Variants in TAFA4 observed in about 807,000 individuals in gnomAD.
TAFA4 encodes the protein TAFA chemokine like family member 4.
Under a neutral mutation model 21.1 loss-of-function variants are expected in TAFA4, and 20 were observed. The ratio of observed to expected loss-of-function variants is 0.95; its 90% confidence interval spans 0.67 to 1.38. TAFA4 has a LOEUF of 1.38. Ranked by LOEUF, TAFA4 falls within the 40% of genes most tolerant of loss-of-function variation. The probability of loss-of-function intolerance (pLI) is 0.00; values close to 1 mark genes in which losing one functional copy is unlikely to be tolerated. For missense variants in TAFA4, 211 were observed against 180.9 expected, an observed-to-expected ratio of 1.17 and a Z score of -0.95; for synonymous variants, 71 against 67.4, an observed-to-expected ratio of 1.05 and a Z score of -0.26.
At position 68,763,869 on chromosome 3, in the gene TAFA4, T is replaced by TACAC. The variant is rs147436920; in HGVS notation, c.131-10855_131-10852dup. Among the ~76,000 whole-genome samples the TACAC allele has an allele frequency of 4.8e-3, 704 of 147,344 alleles. 8 individuals carry two copies. The highest frequency in any genetic ancestry group is 7.2e-3 in the Middle Eastern group (2 of 278). ...TTGGTCTTTAGTATGTATGACAGAC[T>TACAC]ACACACACACACACACACACACACA... On this transcript the variant is annotated intron_variant, in intron 3 of 5. Transcript: ENST00000295569.
intron 3 of TAFA4, among the ~76,000 whole-genome samples, chr3:68,876,015 C>T (rs1186708369): frequency 6.6e-6 from 1 of 151,498 alleles, no homozygotes; most frequent in Non-Finnish European, 1.5e-5. Context: ...TATGACTGAC[C>T]CATGAAAATT....
At chr3:68,837,178 GA>G (rs1468502636) in intron 3 of TAFA4, among the ~76,000 whole-genome samples, 1 of 152,212 alleles carries the variant, frequency 6.6e-6, no homozygotes, top group African/African-American at 2.4e-5. Context: ...ACCCCTTGAA[GA>G]AATAAAATTT....
rs558772421 is a variant in TAFA4 at position 68,932,541 on chromosome 3, G to A, written c.-424C>T. ...CCCCGTCCAGGGCGGCGCGCAGCTA[G>A]CAGTGCGGAGCCGAGCCCAGCTAGC... On this transcript the variant is annotated 5_prime_UTR_variant, in exon 1 of 6. Transcript: ENST00000295569. 37 of 152,136 alleles carry A rather than the reference G, an allele frequency of 2.4e-4. 1 individual carries two copies. The highest frequency in any genetic ancestry group is 1.2e-3 in the Admixed American group (18 of 15,292). The allele number at this position is 152,136 out of a possible 1,614,324, so 9.4% of individuals were successfully genotyped here. A position where few individuals can be genotyped will look rare whatever the true frequency, so the allele number is the denominator to read the frequency against.
chr3:68,910,498 G>A (rs925199279), intron 1 of TAFA4, among the ~76,000 whole-genome samples: 2 of 152,174 alleles, frequency 1.3e-5, no homozygotes, highest in Non-Finnish European at 2.9e-5. Flanking sequence ...ATAGATTTAG[G>A]TTAAAGAGGC....
intron 3 of TAFA4, among the ~76,000 whole-genome samples, chr3:68,770,393 C>G (rs1702931004): frequency 6.6e-6 from 1 of 152,110 alleles, no homozygotes; most frequent in African/African-American, 2.4e-5. Context: ...CAGGAAATAC[C>G]ATTGCTGATA....
intron 3 of TAFA4, among the ~76,000 whole-genome samples, chr3:68,799,165 A>AC (rs139629587): frequency 0.015 from 2,235 of 152,292 alleles, 52 homozygotes; most frequent in African/African-American, 0.051. Context: ...GTGTTGTCTT[A>AC]CCTGGTATCT....
chr3:68,822,552 C>A (rs958819653), intron 3 of TAFA4, among the ~76,000 whole-genome samples: 2 of 152,154 alleles, frequency 1.3e-5, no homozygotes, highest in East Asian at 1.9e-4. Context: ...CTCATTGCAG[C>A]CTTGACCTCC....
intron 3 of TAFA4, among the ~76,000 whole-genome samples, chr3:68,766,187 C>T (rs1447559171): frequency 6.6e-6 from 1 of 152,020 alleles, no homozygotes; most frequent in East Asian, 1.9e-4. Context: ...TTACAATATG[C>T]CAGGTACCTA....
At chr3:68,800,548 T>C (rs1703555110) in intron 3 of TAFA4, among the ~76,000 whole-genome samples, 1 of 152,124 alleles carries the variant, frequency 6.6e-6, no homozygotes, top group South Asian at 2.1e-4. Flanking sequence ...GCCCCTCAAT[T>C]TTGCTTATGA....
At chr3:68,921,953 C>T (rs2090064331) in intron 1 of TAFA4, among the ~76,000 whole-genome samples, 1 of 152,142 alleles carries the variant, frequency 6.6e-6, no homozygotes. Context: ...CTAAAAGAAA[C>T]GTCAAGACAT....
At chr3:68,835,185 G>A (rs937345434) in intron 3 of TAFA4, among the ~76,000 whole-genome samples, 10 of 152,038 alleles carry the variant, frequency 6.6e-5, no homozygotes, top group African/African-American at 2.2e-4. Context: ...GCTTAGTAAG[G>A]CCTTCCCTGG....
intron 3 of TAFA4, among the ~76,000 whole-genome samples, chr3:68,759,504 G>A (rs967986042): frequency 6.6e-6 from 1 of 152,106 alleles, no homozygotes; most frequent in African/African-American, 2.4e-5. Context: ...AAGGTACAGG[G>A]GGGATGCCTT....
intron 3 of TAFA4, among the ~76,000 whole-genome samples, chr3:68,776,369 T>C (rs977611097): frequency 2.0e-5 from 3 of 152,180 alleles, no homozygotes; most frequent in African/African-American, 7.2e-5. Flanking sequence ...GGAATCACTA[T>C]ATTAGTAGTA....
intron 3 of TAFA4, among the ~76,000 whole-genome samples, chr3:68,809,004 A>G (rs1342793488): frequency 6.6e-6 from 1 of 152,234 alleles, no homozygotes; most frequent in East Asian, 1.9e-4. Flanking sequence ...ACTTCCACTC[A>G]GATTTCATTT....
At chr3:68,844,804 C>A (rs1704746584) in intron 3 of TAFA4, among the ~76,000 whole-genome samples, 1 of 152,154 alleles carries the variant, frequency 6.6e-6, no homozygotes, top group Admixed American at 6.5e-5. Flanking sequence ...GCAGGCTGTT[C>A]AGTTTCCATG....
chr3:68,890,000 A>G (rs1444625477), intron 1 of TAFA4, among the ~76,000 whole-genome samples: 1 of 152,236 alleles, frequency 6.6e-6, no homozygotes, highest in Non-Finnish European at 1.5e-5. Context: ...AGATTGCATT[A>G]CAGTGTTCTA....
At chr3:68,775,025 C>T (rs1703024082) in intron 3 of TAFA4, among the ~76,000 whole-genome samples, 1 of 152,084 alleles carries the variant, frequency 6.6e-6, no homozygotes. Context: ...CAGAAAGTAA[C>T]AAAGAATGAG....
At chr3:68,813,474 A>T (rs1472216754) in intron 3 of TAFA4, among the ~76,000 whole-genome samples, 2 of 152,180 alleles carry the variant, frequency 1.3e-5, no homozygotes, top group African/African-American at 4.8e-5. Flanking sequence ...ATAAAAAATG[A>T]TAACAGGATA....
At chr3:68,739,830 C>A (rs1702315804) in intron 4 of TAFA4, among the ~76,000 whole-genome samples, 1 of 152,052 alleles carries the variant, frequency 6.6e-6, no homozygotes, top group Non-Finnish European at 1.5e-5. Context: ...AATGTGTACA[C>A]AGAGACATAG....
Sources: gnomAD v4.1 joint callset for allele counts (sites outside exome capture counted in the v4.1 genomes callset) on GRCh38, gnomAD v4.1.1 for gene constraint, MANE v1.5 for transcripts, NCBI Gene and HGNC (gene_info 2026-07-23, HGNC 2026-07-21) for gene names.